The following CCDC15 variants were observed in gnomAD, a reference collection of about 807,000 sequenced individuals.
The protein encoded by CCDC15 is coiled-coil domain containing 15.
In CCDC15, 105 loss-of-function variants were observed where a neutral mutation model predicts 114.5. The ratio of observed to expected loss-of-function variants is 0.92; its 90% CI spans 0.78 to 1.08. CCDC15 has a LOEUF of 1.08. CCDC15 is among the 50% of genes least tolerant of loss of function. The pLI is 0.00. For missense variants in CCDC15, 1,105 were observed against 1,093.6 expected, an observed-to-expected ratio of 1.01 and a Z score of -0.15; for synonymous variants, 334 against 377.8, an observed-to-expected ratio of 0.88 and a Z score of 1.34.
chr11:124,977,377 C>CT, intron 5 of CCDC15, 101 bp from the exon 6 acceptor site: 1 of 1,149,006 alleles, frequency 8.7e-7, no homozygotes, highest in Non-Finnish European at 1.2e-6. Context: ...CTACCAAAAC[C>CT]TACTAAGATA....
intron 13 of CCDC15, among the ~76,000 whole-genome samples, chr11:125,017,878 G>C (rs759671667): frequency 5.3e-5 from 8 of 151,986 alleles, no homozygotes; most frequent in Non-Finnish European, 1.0e-4. Flanking sequence ...AAAGCATATA[G>C]GACAAGGATA....
chr11:125,007,677 G>T (rs1948562049), intron 13 of CCDC15, among the ~76,000 whole-genome samples: 1 of 151,978 alleles, frequency 6.6e-6, no homozygotes, highest in Admixed American at 6.6e-5. Flanking sequence ...CATAATTTCT[G>T]TATTAATTTA....
intron 4 of CCDC15, among the ~76,000 whole-genome samples, chr11:124,972,934 G>C (rs1947909553): frequency 6.6e-6 from 1 of 152,096 alleles, no homozygotes; most frequent in Non-Finnish European, 1.5e-5. Context: ...AAGATCTCAA[G>C]ATCCTTAACT....
intron 5 of CCDC15, among the ~76,000 whole-genome samples, chr11:124,976,776 A>G (rs762110703): frequency 6.6e-6 from 1 of 152,146 alleles, no homozygotes; most frequent in Non-Finnish European, 1.5e-5. Context: ...TAAGTCTGAG[A>G]TAACATCTTT....
intron 13 of CCDC15, among the ~76,000 whole-genome samples, chr11:125,014,092 C>A (rs930690819): frequency 2.6e-5 from 4 of 152,078 alleles, no homozygotes; most frequent in African/African-American, 7.2e-5. Context: ...GAGTTCAGGA[C>A]CCACTGGGTT....
At chr11:124,975,280 T>C in intron 5 of CCDC15, 71 bp downstream of exon 5, 2 of 914,024 alleles carry the variant, frequency 2.2e-6, no homozygotes, top group South Asian at 3.9e-5. Context: ...TACTTATATC[T>C]CAGCATAATT....
intron 4 of CCDC15, among the ~76,000 whole-genome samples, chr11:124,969,238 C>G (rs1393711527): frequency 6.6e-6 from 1 of 152,122 alleles, no homozygotes. Context: ...CTTGATAATA[C>G]TTGGTATTAC....
Position 125,014,901 on chromosome 11 carries a change from G to C in CCDC15, c.2411+9689G>C, listed in dbSNP as rs4245060. ...CAGAATATATTCCTTTCAAGTGCCC[G>C]TGGAACATTTTCCACAGTTCATCTT... On this transcript the variant is annotated intron_variant, in intron 13 of 15. Coordinates refer to ENST00000344762, the MANE Select transcript of CCDC15 (RefSeq NM_025004.3). 9.9e-5 allele frequency among the ~76,000 whole-genome samples: 15 copies of C among 152,212 alleles called. No homozygotes were observed. In the South Asian group the frequency reaches 1.2e-3, roughly 13 times the overall value.
At chr11:125,037,812 G>A (rs1261196697) in intron 13 of CCDC15, among the ~76,000 whole-genome samples, 3 of 152,150 alleles carry the variant, frequency 2.0e-5, no homozygotes, top group Non-Finnish European at 4.4e-5. Context: ...TTTAAGGTTG[G>A]AGGGCAAATG....
intron 8 of CCDC15, among the ~76,000 whole-genome samples, chr11:124,990,470 T>C (rs1948248628): frequency 6.6e-6 from 1 of 152,200 alleles, no homozygotes; most frequent in Admixed American, 6.5e-5. Flanking sequence ...GCTTGACGTA[T>C]GATTGCCACA....
chr11:125,039,091 T>G, intron 15 of CCDC15, 22 bp downstream of exon 15: 3 of 1,564,896 alleles, frequency 1.9e-6, no homozygotes, highest in Non-Finnish European at 2.6e-6. Context: ...GAAGGAATAG[T>G]CAGGGCCTAA....
chr11:124,977,049 A>C (rs1325210775), intron 5 of CCDC15, among the ~76,000 whole-genome samples: 1 of 152,156 alleles, frequency 6.6e-6, no homozygotes, highest in Non-Finnish European at 1.5e-5. Context: ...GGAATTTGCA[A>C]ATCAGAAAGA....
In CCDC15 at chr11:124,975,126, C is replaced by A. The variant is rs760911695; in HGVS notation, c.547C>A (p.Arg183=). 1.3e-6 allele frequency: 2 copies of A among 1,590,528 alleles called. No individual in the cohort carries two copies. The highest frequency in any genetic ancestry group is 1.7e-6 in the Non-Finnish European group (2 of 1,170,398). ...LSETMKQARH[R]LASFKTVIKK... ...TGAAACTATGAAACAGGCACGTCAC[C>A]GGCTAGCATCCTTTAAAACCGTGAT... Residue 183 remains arginine, a synonymous_variant, in exon 5 of 16, where the codon CGG becomes AGG. Transcript: ENST00000344762.
In CCDC15 at chr11:124,987,960, C is replaced by T. The variant is rs762371908; in HGVS notation, c.1734C>T (p.Pro578=). The part of the protein sequence containing the change: ...GVLPKDQNIL[P]ICQDQDFLPR... Reference sequence around the variant, plus strand: ...TTCCCAAAGACCAAAATATTCTACCCATATGTCAGGACCAGGATTTTCTAC... The same window carrying T: ...TTCCCAAAGACCAAAATATTCTACCTATATGTCAGGACCAGGATTTTCTAC... The change falls in exon 8 of 16, where the codon CCC becomes CCT. Residue 578 remains proline, a synonymous_variant. Coordinates refer to ENST00000344762, the MANE Select transcript of CCDC15 (RefSeq NM_025004.3). 4 of 1,613,736 alleles carry T rather than the reference C, an allele frequency of 2.5e-6. No individual in the cohort carries two copies. In the Admixed American group the frequency reaches 5.0e-5, roughly 20 times the overall value.
At chr11:125,006,733 CATGTGG>C (rs1948554971) in intron 13 of CCDC15, among the ~76,000 whole-genome samples, 1 of 150,972 alleles carries the variant, frequency 6.6e-6, no homozygotes, top group Non-Finnish European at 1.5e-5. Context: ...TTTTTTTTTG[CATGTGG>C]ATGTCCAGTT....
At chr11:124,971,072 G>A (rs988518095) in intron 4 of CCDC15, among the ~76,000 whole-genome samples, 59 of 152,066 alleles carry the variant, frequency 3.9e-4, no homozygotes, top group Non-Finnish European at 1.0e-4. Context: ...GCCTAAGGCC[G>A]CCCCTTTAAT....
At chr11:124,991,672 G>A in intron 9 of CCDC15, 89 bp downstream of exon 9, 1 of 1,228,546 alleles carries the variant, frequency 8.1e-7, no homozygotes. Flanking sequence ...AGGGATTTTG[G>A]AGCTAACCTA....
intron 2 of CCDC15, among the ~76,000 whole-genome samples, chr11:124,957,155 G>T (rs1947566372): frequency 6.6e-6 from 1 of 152,212 alleles, no homozygotes; most frequent in South Asian, 2.1e-4. Flanking sequence ...TTTGAGCAGG[G>T]TACAGTGGTA....
At chr11:125,033,695 C>T (rs755903166) in intron 13 of CCDC15, among the ~76,000 whole-genome samples, 33 of 143,324 alleles carry the variant, frequency 2.3e-4, no homozygotes, top group Non-Finnish European at 3.0e-4. Context: ...ATTTCCAGCT[C>T]GCTCACAGTG....
Sources: allele counts gnomAD v4.1 joint callset (sites outside exome capture counted in the v4.1 genomes callset), GRCh38; gene constraint gnomAD v4.1.1; transcripts MANE v1.5; gene names NCBI Gene and HGNC (gene_info 2026-07-23, HGNC 2026-07-21).